The following WWOX variants were observed in gnomAD, a reference collection of about 807,000 sequenced individuals.
WWOX encodes WW domain containing oxidoreductase.
A neutral mutation model predicts 46.2 loss-of-function variants in WWOX; 69 were observed. The observed-to-expected ratio is 1.49, with a 90% CI of 1.23 to 1.82. The LOEUF is 1.82. Ranked by LOEUF, WWOX falls within the 40% of genes most tolerant of loss-of-function variation. The probability of loss-of-function intolerance (pLI) is 0.00; values close to 1 mark genes in which losing one functional copy is unlikely to be tolerated. For synonymous variants in WWOX, 359 were observed against 202.6 expected, an observed-to-expected ratio of 1.77 and a Z score of -6.56; for missense variants, 919 against 542.6, an observed-to-expected ratio of 1.69 and a Z score of -6.89.
intron 8 of WWOX, chr16:78,551,957 T>C (rs2044184367): frequency 6.6e-6 from 1 of 152,230 alleles, no homozygotes; most frequent in Admixed American, 6.5e-5. Flanking sequence ...CAGGGAGACT[T>C]TGAGACCTGG....
intron 8 of WWOX, among the ~76,000 whole-genome samples, chr16:78,665,022 T>C (rs1343412752): frequency 6.6e-6 from 1 of 152,188 alleles, no homozygotes; most frequent in Non-Finnish European, 1.5e-5. Flanking sequence ...GCGGCTGCAT[T>C]CATCAGCCTG....
intron 8 of WWOX, among the ~76,000 whole-genome samples, chr16:78,605,968 G>C (rs980994613): frequency 6.6e-6 from 1 of 152,186 alleles, no homozygotes; most frequent in African/African-American, 2.4e-5. Flanking sequence ...TGAATTGAAT[G>C]GGCAGCTTTG....
chr16:78,256,362 C>T (rs74027961), intron 5 of WWOX, among the ~76,000 whole-genome samples: 4,784 of 151,976 alleles, frequency 0.031, 254 homozygotes, highest in East Asian at 0.23. Flanking sequence ...TCTACCGCTT[C>T]ACTTCTCACT....
chr16:78,338,225 C>T (rs2080937328), intron 5 of WWOX, among the ~76,000 whole-genome samples: 1 of 120,374 alleles, frequency 8.3e-6, no homozygotes, highest in Non-Finnish European at 2.0e-5. Flanking sequence ...TGCAAATTTA[C>T]TATCGTATTC....
intron 8 of WWOX, chr16:78,897,710 T>C (rs971239392): frequency 2.0e-5 from 3 of 152,212 alleles, no homozygotes; most frequent in African/African-American, 4.8e-5. Context: ...TGTGAAATTA[T>C]TGACTCTTAG....
At chr16:78,222,853 C>T (rs947162852) in intron 5 of WWOX, among the ~76,000 whole-genome samples, 1 of 152,214 alleles carries the variant, frequency 6.6e-6, no homozygotes. Flanking sequence ...AGTAATCTCA[C>T]AAAAGATCTT....
rs1453897925 is a variant in WWOX, at chr16:78,626,763, A to G, written c.1056+194011A>G. Among the ~76,000 whole-genome samples, 9 of 152,240 alleles carry G rather than the reference A, an allele frequency of 5.9e-5. No individual in the cohort carries two copies. In the East Asian group the frequency reaches 9.7e-4, roughly 16 times the overall value. ...CTGCATAAACTACTTGGAATTCTGC[A>G]TGGAATATTTGTGTCTTCTCCCCCA... is the stretch of plus-strand genomic sequence containing the variant. On this transcript the variant is annotated intron_variant, in intron 8 of 8. Transcript: ENST00000566780.
intron 5 of WWOX, among the ~76,000 whole-genome samples, chr16:78,367,047 T>A (rs537535812): frequency 3.2e-4 from 47 of 148,054 alleles, no homozygotes; most frequent in African/African-American, 1.2e-3. Context: ...TGGTGTGATT[T>A]CAGCTCACAG....
At chr16:79,048,144 A>G (rs967604412) in intron 8 of WWOX, among the ~76,000 whole-genome samples, 5 of 152,122 alleles carry the variant, frequency 3.3e-5, no homozygotes, top group African/African-American at 1.2e-4. Context: ...TATTTCATGG[A>G]GCATGGAGAA....
chr16:79,122,881 A>G (rs1208253426), intron 8 of WWOX, among the ~76,000 whole-genome samples: 1 of 152,200 alleles, frequency 6.6e-6, no homozygotes, highest in African/African-American at 2.4e-5. Context: ...TGTTGTACTG[A>G]GGCTTGCAAT....
chr16:78,361,191 C>T (rs1213768157), intron 5 of WWOX, among the ~76,000 whole-genome samples: 2 of 152,034 alleles, frequency 1.3e-5, no homozygotes, highest in Non-Finnish European at 2.9e-5. Context: ...TTGATTTGTC[C>T]AGTATTTTCT....
chr16:78,243,051 C>A (rs1359703923), intron 5 of WWOX, among the ~76,000 whole-genome samples: 4 of 151,830 alleles, frequency 2.6e-5, no homozygotes, highest in African/African-American at 7.3e-5. Flanking sequence ...CCTTCCCTTC[C>A]CTCTCCCCAT....
chr16:79,006,363 C>T (rs2047190922), intron 8 of WWOX, among the ~76,000 whole-genome samples: 1 of 152,118 alleles, frequency 6.6e-6, no homozygotes, highest in Non-Finnish European at 1.5e-5. Context: ...GTCTGCATGG[C>T]ACCGGCAGAG....
rs191598303 is a variant in WWOX at position 78,152,114 on chromosome 16, C to T, written c.410-12069C>T. Among the ~76,000 whole-genome samples the T allele has an allele frequency of 6.5e-3, 985 of 151,700 alleles. 10 individuals carry two copies. The highest frequency in any genetic ancestry group is 0.023 in the African/African-American group (935 of 41,368). ...CTGAGGCAGGAGAGTGGCGTGAACCCGGGAGGCGGAGCTTGAAGTGAGCCG... is the reference window on the plus strand; with the variant it reads ...CTGAGGCAGGAGAGTGGCGTGAACCTGGGAGGCGGAGCTTGAAGTGAGCCG... On this transcript the variant is annotated intron_variant, in intron 4 of 8. Transcript: ENST00000566780.
intron 8 of WWOX, among the ~76,000 whole-genome samples, chr16:78,887,396 A>G (rs2044487854): frequency 6.6e-6 from 1 of 151,384 alleles, no homozygotes; most frequent in African/African-American, 2.4e-5. Flanking sequence ...TTCGCTTCCA[A>G]GGCACCTGTT....
intron 8 of WWOX, among the ~76,000 whole-genome samples, chr16:79,123,928 C>A (rs537262280): frequency 6.6e-6 from 1 of 152,174 alleles, no homozygotes. Context: ...GGGTCTCCTG[C>A]TGTATCAAAT....
chr16:78,173,992 T>C (rs1367104949), intron 5 of WWOX, among the ~76,000 whole-genome samples: 4 of 152,096 alleles, frequency 2.6e-5, no homozygotes, highest in African/African-American at 9.7e-5. Flanking sequence ...CACTGTCTCA[T>C]GTGTCTTGTA....
intron 8 of WWOX, among the ~76,000 whole-genome samples, chr16:78,751,925 C>G (rs1347189939): frequency 2.0e-5 from 3 of 152,016 alleles, no homozygotes; most frequent in Admixed American, 6.6e-5. Flanking sequence ...AATGAATAAC[C>G]CAACTGTGTC....
intron 8 of WWOX, among the ~76,000 whole-genome samples, chr16:78,577,880 C>T (rs1236143551): frequency 2.0e-5 from 3 of 152,048 alleles, no homozygotes; most frequent in Admixed American, 6.6e-5. Flanking sequence ...TCAGGATTTC[C>T]GTTTGACAGA....
Sources: allele counts gnomAD v4.1 joint callset (sites outside exome capture counted in the v4.1 genomes callset), GRCh38; gene constraint gnomAD v4.1.1; transcripts MANE v1.5; gene names NCBI Gene and HGNC (gene_info 2026-07-23, HGNC 2026-07-21).